The following DNM3 variants were observed in gnomAD, a reference collection of about 807,000 sequenced individuals.
DNM3 encodes dynamin 3.
A neutral mutation model predicts 101.6 loss-of-function variants in DNM3; 47 were observed. The observed-to-expected ratio is 0.46, with a 90% CI of 0.37 to 0.59. DNM3 has a LOEUF of 0.59. Ranked by LOEUF, DNM3 falls within the 20% of genes least tolerant of loss-of-function variation. The pLI, the probability that DNM3 is intolerant of heterozygous loss-of-function variation, is 0.00. For missense variants in DNM3, 849 were observed against 1,085.7 expected, an observed-to-expected ratio of 0.78 and a Z score of 3.06; for synonymous variants, 385 against 387.9, an observed-to-expected ratio of 0.99 and a Z score of 0.09.
Position 171,969,058 on chromosome 1 carries a change from G to A in DNM3, c.236-18598G>A, listed in dbSNP as rs80146925. Among the ~76,000 whole-genome samples the A allele has an allele frequency of 3.4e-4, 51 of 152,164 alleles. No homozygotes were observed. In the East Asian group the frequency reaches 8.1e-3, roughly 24 times the overall value. Reference sequence around the variant, plus strand: ...ATTATTTTAATAATGACATTTACACGAGCTTTAGCATGTACATGCTTTCTG... The same window carrying A: ...ATTATTTTAATAATGACATTTACACAAGCTTTAGCATGTACATGCTTTCTG... On this transcript the variant is annotated intron_variant, in intron 2 of 20. Coordinates refer to ENST00000627582, the MANE Select transcript of DNM3 (RefSeq NM_015569.5).
chr1:172,165,080 C>T (rs2058698515), intron 14 of DNM3, among the ~76,000 whole-genome samples: 1 of 151,988 alleles, frequency 6.6e-6, no homozygotes, highest in South Asian at 2.1e-4. Flanking sequence ...CATTTTCAGC[C>T]TATCTAAAGG....
intron 13 of DNM3, among the ~76,000 whole-genome samples, chr1:172,118,989 T>C (rs371211043): frequency 1.3e-5 from 2 of 151,784 alleles, no homozygotes; most frequent in East Asian, 3.9e-4. Flanking sequence ...ATACTAGTTG[T>C]TAATTTTTTT....
At chr1:172,137,382 G>A (rs570674812) in intron 14 of DNM3, 2 of 152,296 alleles carry the variant, frequency 1.3e-5, no homozygotes, top group African/African-American at 2.4e-5. Flanking sequence ...AATTTTAGCA[G>A]ATGACATATT....
chr1:172,409,941 AT>A lies in DNM3; in HGVS notation c.*2102del. On this transcript the variant is annotated 3_prime_UTR_variant, in exon 21 of 21. Transcript: ENST00000627582. ...ATCAGCACAAACCATGTCAAAAAAA[AT>A]TGGAGATTTTTTTCCAATTTTCCTT... 1 of 985,776 alleles carries A rather than the reference AT, an allele frequency of 1.0e-6. No homozygotes were observed. Among genetic ancestry groups the A allele is most frequent in the Non-Finnish European group, 1.2e-6 (1 of 829,874 alleles). The allele number at this position is 985,776 out of a possible 1,614,324, so 61.1% of individuals were successfully genotyped here.
chr1:171,857,433 G>T (rs147093018), intron 1 of DNM3, among the ~76,000 whole-genome samples: 1 of 152,230 alleles, frequency 6.6e-6, no homozygotes, highest in Admixed American at 6.5e-5. Flanking sequence ...CTGGAGGAAG[G>T]ATAGTAAAAT....
chr1:172,191,473 G>T (rs551202417), intron 14 of DNM3, among the ~76,000 whole-genome samples: 13 of 152,166 alleles, frequency 8.5e-5, no homozygotes, highest in African/African-American at 2.9e-4. Context: ...TTGTTCTTTT[G>T]GCTTAGGATT....
At chr1:172,130,188 A>T (rs1461889186) in intron 13 of DNM3, among the ~76,000 whole-genome samples, 5 of 152,230 alleles carry the variant, frequency 3.3e-5, no homozygotes, top group African/African-American at 1.2e-4. Flanking sequence ...TTCAATAAGT[A>T]ATTTTTAAAC....
At chr1:172,382,938 G>A (rs1192770329) in intron 18 of DNM3, among the ~76,000 whole-genome samples, 1 of 152,066 alleles carries the variant, frequency 6.6e-6, no homozygotes, top group Non-Finnish European at 1.5e-5. Flanking sequence ...TTGGCATTTT[G>A]GTGGAAAATT....
chr1:172,109,769 T>C (rs2055323974), intron 13 of DNM3, among the ~76,000 whole-genome samples: 1 of 152,250 alleles, frequency 6.6e-6, no homozygotes. Context: ...TAGTTTTCAA[T>C]GGAAATCAGG....
At chr1:171,973,141 C>T (rs940664585) in intron 2 of DNM3, among the ~76,000 whole-genome samples, 6 of 151,992 alleles carry the variant, frequency 3.9e-5, no homozygotes, top group African/African-American at 1.5e-4. Context: ...GATAGTGGTG[C>T]TGGTGGAAAG....
At chr1:172,053,385 C>A (rs1343575598) in intron 10 of DNM3, among the ~76,000 whole-genome samples, 3 of 152,096 alleles carry the variant, frequency 2.0e-5, no homozygotes, top group Admixed American at 2.0e-4. Flanking sequence ...TCCTAAAGGG[C>A]CTCTGTGAGT....
At chr1:172,275,984 A>G (rs1348851766) in intron 15 of DNM3, among the ~76,000 whole-genome samples, 1 of 152,142 alleles carries the variant, frequency 6.6e-6, no homozygotes, top group Non-Finnish European at 1.5e-5. Flanking sequence ...ATATCAGCAT[A>G]TCATCAGGAA....
At chr1:172,229,066 G>A (rs1224414653) in intron 14 of DNM3, among the ~76,000 whole-genome samples, 2 of 151,976 alleles carry the variant, frequency 1.3e-5, no homozygotes, top group East Asian at 1.9e-4. Context: ...AGCTAGTTTG[G>A]CCAAGATTTT....
At chr1:171,911,522 A>G (rs2039304173) in intron 1 of DNM3, among the ~76,000 whole-genome samples, 1 of 152,104 alleles carries the variant, frequency 6.6e-6, no homozygotes, top group Middle Eastern at 3.2e-3. Flanking sequence ...ACCTCAGGTG[A>G]TCCGCCCGCC....
intron 17 of DNM3, among the ~76,000 whole-genome samples, chr1:172,331,651 T>C (rs968862548): frequency 1.3e-5 from 2 of 152,200 alleles, no homozygotes; most frequent in Non-Finnish European, 2.9e-5. Context: ...TCCTATGTAG[T>C]ATATTTAAGC....
chr1:172,193,921 C>T (rs1203126122), intron 14 of DNM3, among the ~76,000 whole-genome samples: 1 of 152,068 alleles, frequency 6.6e-6, no homozygotes, highest in Non-Finnish European at 1.5e-5. Flanking sequence ...TGTGTTTGCT[C>T]TTGCTTCTCT....
chr1:172,403,112 C>G (rs1031602898), intron 20 of DNM3, among the ~76,000 whole-genome samples: 2 of 152,140 alleles, frequency 1.3e-5, no homozygotes, highest in African/African-American at 4.8e-5. Context: ...ATCAATCTAA[C>G]TGCCCAATAG....
chr1:172,239,286 A>T (rs2061656014), intron 14 of DNM3, among the ~76,000 whole-genome samples: 1 of 152,206 alleles, frequency 6.6e-6, no homozygotes. Flanking sequence ...AAAGCTTACA[A>T]GTATAAAAGC....
chr1:172,322,453 C>T (rs1458361666), intron 16 of DNM3, among the ~76,000 whole-genome samples: 1 of 152,144 alleles, frequency 6.6e-6, no homozygotes, highest in African/African-American at 2.4e-5. Context: ...AATGAATCAC[C>T]GTCTTATTTT....
Sources: allele counts gnomAD v4.1 joint callset (sites outside exome capture counted in the v4.1 genomes callset), GRCh38; gene constraint gnomAD v4.1.1; transcripts MANE v1.5; gene names NCBI Gene and HGNC (gene_info 2026-07-23, HGNC 2026-07-21).